The following ERBB4 variants were observed in gnomAD, a reference collection of about 807,000 sequenced individuals.
ERBB4 encodes receptor tyrosine-protein kinase erbB-4.
In ERBB4, 42 loss-of-function variants were observed where a neutral mutation model predicts 158.0. The observed-to-expected ratio is 0.27, with a 90% CI of 0.21 to 0.34. ERBB4 has a LOEUF of 0.34. Among genes scored for constraint, ERBB4 ranks in the 10% least tolerant of loss-of-function variants. ERBB4 has a pLI of 1.00. For missense variants in ERBB4, 1,333 were observed against 1,624.1 expected, an observed-to-expected ratio of 0.82 and a Z score of 3.08; for synonymous variants, 583 against 558.7, an observed-to-expected ratio of 1.04 and a Z score of -0.61.
intron 2 of ERBB4, among the ~76,000 whole-genome samples, chr2:212,050,773 A>AT (rs35561283): frequency 0.049 from 7,471 of 151,888 alleles, 242 homozygotes; most frequent in South Asian, 0.1. Context: ...CTTTTAGCCT[A>AT]TTTTTTTCTT....
intron 14 of ERBB4, among the ~76,000 whole-genome samples, chr2:211,669,617 C>T (rs560219792): frequency 3.9e-5 from 6 of 152,156 alleles, no homozygotes; most frequent in Admixed American, 6.5e-5. Flanking sequence ...TGTGGACAGA[C>T]AAGGACATAA....
intron 1 of ERBB4, among the ~76,000 whole-genome samples, chr2:212,466,306 A>G (rs1280379864): frequency 6.6e-6 from 1 of 152,204 alleles, no homozygotes; most frequent in Non-Finnish European, 1.5e-5. Flanking sequence ...TATTTGCAAG[A>G]TTTGAAACCC....
rs1472084278 is a variant in ERBB4 at position 211,437,944 on chromosome 2, A to G, written c.2488-6844T>C. On this transcript the variant is annotated intron_variant, in intron 20 of 27. Transcript: ENST00000342788. Reference sequence around the variant, plus strand: ...GCTAAAGATATAAGCATGTTTAAGGAAAGAAAGGGATCTTTTTGGATGAAG... The same window carrying G: ...GCTAAAGATATAAGCATGTTTAAGGGAAGAAAGGGATCTTTTTGGATGAAG... Among the ~76,000 whole-genome samples the G allele has an allele frequency of 2.0e-5, 3 of 152,306 alleles. No individual in the cohort carries two copies. In the East Asian group the frequency reaches 5.8e-4, roughly 29 times the overall value.
chr2:211,667,391 G>A (rs1401919957), intron 14 of ERBB4, among the ~76,000 whole-genome samples: 16 of 150,938 alleles, frequency 1.1e-4, no homozygotes, highest in Admixed American at 1.1e-3. Flanking sequence ...GACTGGTGGG[G>A]CTCAATCAAG....
intron 3 of ERBB4, among the ~76,000 whole-genome samples, chr2:211,858,454 T>C (rs2077928017): frequency 6.6e-6 from 1 of 152,190 alleles, no homozygotes; most frequent in Non-Finnish European, 1.5e-5. Context: ...TGAAGACTAA[T>C]CAAAATAAAG....
chr2:211,398,356 A>G (rs561399721), intron 25 of ERBB4, among the ~76,000 whole-genome samples: 1 of 152,292 alleles, frequency 6.6e-6, no homozygotes, highest in South Asian at 2.1e-4. Context: ...AGTAAAAGAA[A>G]GTGTTATTAA....
chr2:211,938,198 A>G (rs984358472), intron 3 of ERBB4, among the ~76,000 whole-genome samples: 7 of 152,290 alleles, frequency 4.6e-5, no homozygotes, highest in African/African-American at 1.7e-4. Context: ...CCAGAACTGC[A>G]TTTAATGTTC....
chr2:211,635,443 A>C (rs2070321558), intron 16 of ERBB4, among the ~76,000 whole-genome samples: 1 of 152,196 alleles, frequency 6.6e-6, no homozygotes, highest in South Asian at 2.1e-4. Flanking sequence ...TTTCCAAGCT[A>C]TATTACTCAT....
chr2:211,783,813 A>G (rs529833704), intron 4 of ERBB4, among the ~76,000 whole-genome samples: 48 of 152,258 alleles, frequency 3.2e-4, no homozygotes, highest in African/African-American at 1.0e-3. Flanking sequence ...CACCAGGGAT[A>G]TTGGTCTAAA....
intron 16 of ERBB4, among the ~76,000 whole-genome samples, chr2:211,633,218 T>C (rs2125878925): frequency 6.6e-6 from 1 of 152,238 alleles, no homozygotes; most frequent in East Asian, 1.9e-4. Flanking sequence ...TAGAGTCTTT[T>C]TGGAAAACTT....
intron 1 of ERBB4, among the ~76,000 whole-genome samples, chr2:212,498,813 T>C (rs1195730947): frequency 2.0e-5 from 3 of 151,946 alleles, no homozygotes; most frequent in Non-Finnish European, 4.4e-5. Context: ...TAGTAGTAAT[T>C]AATTAATAGT....
chr2:212,065,886 G>A (rs372416292), intron 2 of ERBB4, among the ~76,000 whole-genome samples: 3 of 151,998 alleles, frequency 2.0e-5, no homozygotes, highest in East Asian at 1.9e-4. Context: ...TCAGTGAAGC[G>A]ATGGTGAAGG....
intron 1 of ERBB4, among the ~76,000 whole-genome samples, chr2:212,428,996 G>C (rs1032242127): frequency 1.3e-5 from 2 of 152,132 alleles, no homozygotes; most frequent in Admixed American, 6.6e-5. Context: ...ATAATTTAAA[G>C]AATGTTAATA....
chr2:211,643,368 T>C (rs17413728), intron 16 of ERBB4, among the ~76,000 whole-genome samples: 7,789 of 152,148 alleles, frequency 0.051, 310 homozygotes, highest in Non-Finnish European at 0.079. Flanking sequence ...GTTCTGGTCC[T>C]GTTGTTACTG....
intron 20 of ERBB4, among the ~76,000 whole-genome samples, chr2:211,542,696 T>C (rs2066842062): frequency 1.3e-5 from 2 of 151,978 alleles, no homozygotes; most frequent in African/African-American, 2.4e-5. Flanking sequence ...CCTAGTTTTT[T>C]GCATTTTTTT....
chr2:211,854,351 A>G (rs995920271), intron 3 of ERBB4, among the ~76,000 whole-genome samples: 1 of 152,080 alleles, frequency 6.6e-6, no homozygotes, highest in Non-Finnish European at 1.5e-5. Flanking sequence ...TACATGGAAA[A>G]ATGATGAAAT....
intron 20 of ERBB4, among the ~76,000 whole-genome samples, chr2:211,545,777 G>C (rs1256278659): frequency 6.6e-6 from 1 of 152,012 alleles, no homozygotes; most frequent in African/African-American, 2.4e-5. Flanking sequence ...ATGTAGTATT[G>C]TAATTATACA....
intron 1 of ERBB4, among the ~76,000 whole-genome samples, chr2:212,322,457 CT>C (rs2087610663): frequency 6.6e-6 from 1 of 150,492 alleles, no homozygotes; most frequent in South Asian, 2.1e-4. Context: ...ATTTTAAAAA[CT>C]ATTTTATGTG....
At chr2:212,118,392 G>A (rs1393686144) in intron 2 of ERBB4, among the ~76,000 whole-genome samples, 2 of 152,138 alleles carry the variant, frequency 1.3e-5, no homozygotes, top group African/African-American at 2.4e-5. Flanking sequence ...GCAGTGTTTT[G>A]CTGTCTGAGT....
Sources: gnomAD v4.1 joint callset for allele counts (sites outside exome capture counted in the v4.1 genomes callset) on GRCh38, gnomAD v4.1.1 for gene constraint, MANE v1.5 for transcripts, NCBI Gene and HGNC (gene_info 2026-07-23, HGNC 2026-07-21) for gene names.